The following CYP4Z1 variants were observed in gnomAD, a reference collection of about 807,000 sequenced individuals.
CYP4Z1 encodes the protein cytochrome P450 family 4 subfamily Z member 1.
CYP4Z1 carries 41 observed loss-of-function variants against 54.2 expected under a neutral mutation model. The observed-to-expected ratio is 0.76, with a 90% CI of 0.59 to 0.98. The LOEUF is 0.98. Ranked by LOEUF, CYP4Z1 falls within the 50% of genes least tolerant of loss-of-function variation. The pLI is 0.00. For synonymous variants in CYP4Z1, 163 were observed against 206.2 expected (o/e 0.79, Z 1.79); for missense variants, 513 against 599.0 (o/e 0.86, Z 1.50).
upstream of CYP4Z1, among the ~76,000 whole-genome samples, chr1:47,064,723 G>T (rs963217548): frequency 6.6e-6 from 1 of 152,006 alleles, no homozygotes; most frequent in Non-Finnish European, 1.5e-5. Context: ...AGTGTAAATG[G>T]CCCAAATGCT....
At chr1:47,087,275 T>C (rs1047326177) in intron 6 of CYP4Z1, among the ~76,000 whole-genome samples, 1 of 152,178 alleles carries the variant, frequency 6.6e-6, no homozygotes, top group African/African-American at 2.4e-5. Flanking sequence ...AATGTATAAA[T>C]TACCTTGGGC....
chr1:47,066,506 C>T (rs1644451931), upstream of CYP4Z1, among the ~76,000 whole-genome samples: 2 of 151,850 alleles, frequency 1.3e-5, no homozygotes, highest in Non-Finnish European at 2.9e-5. Context: ...AAAACTGGCA[C>T]ACCTTAAGGT....
chr1:47,094,779 G>A (rs1232778445), intron 7 of CYP4Z1, 110 bp downstream of exon 7: 9 of 625,632 alleles, frequency 1.4e-5, no homozygotes, highest in African/African-American at 3.9e-5. Flanking sequence ...AGGCCAAGGC[G>A]GGCAGATCAC....
intron 8 of CYP4Z1, among the ~76,000 whole-genome samples, chr1:47,105,462 T>G (rs142115959): frequency 1.3e-5 from 2 of 152,080 alleles, no homozygotes; most frequent in African/African-American, 4.8e-5. Context: ...ATAGCTAGTA[T>G]TGTAGGAGTC....
upstream of CYP4Z1, among the ~76,000 whole-genome samples, chr1:47,066,147 A>G (rs1245027987): frequency 6.6e-6 from 1 of 152,170 alleles, no homozygotes; most frequent in Non-Finnish European, 1.5e-5. Flanking sequence ...ATTCCACAAG[A>G]TAGAGAAAGA....
At chr1:47,103,620 G>T (rs10890456) in intron 8 of CYP4Z1, among the ~76,000 whole-genome samples, 14 of 120,946 alleles carry the variant, frequency 1.2e-4, no homozygotes, top group East Asian at 2.2e-4. Context: ...TTTAGACAGA[G>T]TTTTGCTCTT....
At chr1:47,056,302 T>C in the CYP4Z1 span, among the ~76,000 whole-genome samples, 2 of 152,196 alleles carry the variant, frequency 1.3e-5, no homozygotes, top group African/African-American at 2.4e-5. Context: ...TTATAATTTC[T>C]GTTCTTTTAC....
At chr1:47,102,879 T>G (rs1644730500) in intron 8 of CYP4Z1, among the ~76,000 whole-genome samples, 1 of 152,166 alleles carries the variant, frequency 6.6e-6, no homozygotes, top group Non-Finnish European at 1.5e-5. Flanking sequence ...CTTATTAGAC[T>G]TATGAAGTTG....
intron 1 of CYP4Z1, among the ~76,000 whole-genome samples, chr1:47,068,193 A>G (rs888090188): frequency 6.6e-6 from 1 of 152,238 alleles, no homozygotes; most frequent in African/African-American, 2.4e-5. Context: ...AAGATGAGGT[A>G]GGGCATCAGT....
chr1:47,087,303 G>A (rs888311047), intron 6 of CYP4Z1, among the ~76,000 whole-genome samples: 10 of 152,112 alleles, frequency 6.6e-5, no homozygotes, highest in East Asian at 1.9e-4. Flanking sequence ...CCATTTTCAC[G>A]ATATTGATTC....
chr1:47,087,629 G>A (rs1394510031), intron 6 of CYP4Z1, among the ~76,000 whole-genome samples: 3 of 152,270 alleles, frequency 2.0e-5, no homozygotes, highest in South Asian at 2.1e-4. Context: ...ATACAATAAC[G>A]TCATCTGCAA....
upstream of CYP4Z1, among the ~76,000 whole-genome samples, chr1:47,066,052 A>G (rs1479523801): frequency 6.6e-6 from 1 of 151,040 alleles, no homozygotes; most frequent in East Asian, 1.9e-4. Context: ...TAATACCAAC[A>G]AAAAAAAAGT....
intron 4 of CYP4Z1, among the ~76,000 whole-genome samples, chr1:47,083,789 C>T (rs1215017586): frequency 6.6e-6 from 1 of 152,126 alleles, no homozygotes; most frequent in Non-Finnish European, 1.5e-5. Flanking sequence ...ACCACTGCCT[C>T]TCCTTGCAAT....
chr1:47,067,402 G>C lies in CYP4Z1; in HGVS notation c.-89G>C. 1 of 1,171,036 alleles carries C rather than the reference G, an allele frequency of 8.5e-7. No homozygotes were observed. Among genetic ancestry groups the C allele is most frequent in the Non-Finnish European group, 1.1e-6 (1 of 882,574 alleles). The allele number at this position is 1,171,036 out of a possible 1,614,324, so 72.5% of individuals were successfully genotyped here. On this transcript the variant is annotated 5_prime_UTR_variant, in exon 1 of 12. Coordinates refer to ENST00000334194, the MANE Select transcript of CYP4Z1 (RefSeq NM_178134.3). ...CATTTTGAAAGCCCAGTGTTGCCCAGGGGGCATCTCCTTTGTGTTTATGAG... is the reference window on the plus strand; with the variant it reads ...CATTTTGAAAGCCCAGTGTTGCCCACGGGGCATCTCCTTTGTGTTTATGAG...
intron 8 of CYP4Z1, among the ~76,000 whole-genome samples, chr1:47,103,738 G>A (rs1014137174): frequency 5.3e-5 from 8 of 151,764 alleles, no homozygotes; most frequent in African/African-American, 2.4e-5. Context: ...GGGATTACAG[G>A]CACATGCCAC....
At chr1:47,083,044 C>T (rs886521449) in intron 4 of CYP4Z1, among the ~76,000 whole-genome samples, 5 of 152,170 alleles carry the variant, frequency 3.3e-5, no homozygotes, top group African/African-American at 1.2e-4. Context: ...ATGGCAAAGA[C>T]ATGCGAGGTG....
chr1:47,086,960 T>C (rs1307703833), intron 6 of CYP4Z1, among the ~76,000 whole-genome samples: 1 of 152,160 alleles, frequency 6.6e-6, no homozygotes, highest in Non-Finnish European at 1.5e-5. Context: ...AATCCTTTCC[T>C]CATTTCATGT....
chr1:47,062,058 A>T, the CYP4Z1 span, among the ~76,000 whole-genome samples: 1 of 152,238 alleles, frequency 6.6e-6, no homozygotes, highest in Non-Finnish European at 1.5e-5. Context: ...ATCTATGACA[A>T]ACCCATATTA....
intron 8 of CYP4Z1, among the ~76,000 whole-genome samples, chr1:47,103,453 C>T (rs1644734632): frequency 1.3e-5 from 2 of 152,070 alleles, no homozygotes; most frequent in Non-Finnish European, 2.9e-5. Flanking sequence ...GCTGAGGTTA[C>T]AGGTGTGAGC....
Sources: allele counts gnomAD v4.1 joint callset (sites outside exome capture counted in the v4.1 genomes callset), GRCh38; gene constraint gnomAD v4.1.1; transcripts MANE v1.5; gene names NCBI Gene and HGNC (gene_info 2026-07-23, HGNC 2026-07-21).